Variants in LRP1B observed in about 807,000 individuals in gnomAD.
LRP1B encodes LDL receptor related protein 1B.
A neutral mutation model predicts 556.6 loss-of-function variants in LRP1B; 217 were observed. The ratio of observed to expected loss-of-function variants is 0.39; its 90% confidence interval spans 0.35 to 0.44. The LOEUF (loss-of-function observed/expected upper bound fraction) is 0.44. LRP1B is among the 20% of genes least tolerant of loss of function. The pLI is 1.00. For missense variants in LRP1B, 5,053 were observed against 5,620.8 expected, an observed-to-expected ratio of 0.90 and a Z score of 3.23; for synonymous variants, 2,047 against 1,865.8, an observed-to-expected ratio of 1.10 and a Z score of -2.50.
At chr2:141,143,944 CTTCTCT>C (rs1701719109) in intron 7 of LRP1B, among the ~76,000 whole-genome samples, 9 of 151,966 alleles carry the variant, frequency 5.9e-5, no homozygotes, top group Admixed American at 5.9e-4. Flanking sequence ...GGTCTTTTGC[CTTCTCT>C]TTCTAACAGA....
At chr2:140,894,676 C>T (rs900355036) in intron 23 of LRP1B, among the ~76,000 whole-genome samples, 1 of 151,974 alleles carries the variant, frequency 6.6e-6, no homozygotes, top group African/African-American at 2.4e-5. Context: ...AGGCCGGGCA[C>T]GGACGCTTAC....
chr2:141,234,290 G>C (rs186925116), intron 5 of LRP1B, among the ~76,000 whole-genome samples: 87 of 152,180 alleles, frequency 5.7e-4, no homozygotes, highest in African/African-American at 1.1e-3. Context: ...AATCAAAATT[G>C]TTAACACTTA....
intron 1 of LRP1B, among the ~76,000 whole-genome samples, chr2:141,976,890 T>C (rs922996871): frequency 6.6e-6 from 1 of 152,170 alleles, no homozygotes; most frequent in Non-Finnish European, 1.5e-5. Flanking sequence ...TGTTATACTT[T>C]TAAATTATTG....
chr2:140,699,669 T>C (rs1454271959), intron 41 of LRP1B, among the ~76,000 whole-genome samples: 1 of 151,274 alleles, frequency 6.6e-6, no homozygotes, highest in East Asian at 1.9e-4. Flanking sequence ...CCCTAAATTA[T>C]GTGGATAATC....
intron 1 of LRP1B, among the ~76,000 whole-genome samples, chr2:141,938,294 G>A (rs1700696872): frequency 6.6e-6 from 1 of 152,018 alleles, no homozygotes; most frequent in African/African-American, 2.4e-5. Flanking sequence ...ATTAGAAAAG[G>A]ATCTGAATCA....
intron 2 of LRP1B, among the ~76,000 whole-genome samples, chr2:141,608,297 T>G (rs1687988520): frequency 6.6e-6 from 1 of 152,204 alleles, no homozygotes; most frequent in South Asian, 2.1e-4. Context: ...TTGGCAAATT[T>G]TCCCTAGAGA....
intron 7 of LRP1B, among the ~76,000 whole-genome samples, chr2:141,071,554 A>T (rs1309443648): frequency 6.6e-6 from 1 of 152,060 alleles, no homozygotes; most frequent in Non-Finnish European, 1.5e-5. Flanking sequence ...GGGAAAGAGG[A>T]AGTCAAATTG....
At chr2:142,017,955 C>T (rs74649308) in intron 1 of LRP1B, among the ~76,000 whole-genome samples, 3 of 147,304 alleles carry the variant, frequency 2.0e-5, no homozygotes, top group East Asian at 2.0e-4. Context: ...CTGACACGCT[C>T]TTTTTTTTTT....
chr2:141,259,331 T>G (rs1014987029), intron 3 of LRP1B, among the ~76,000 whole-genome samples: 1 of 152,122 alleles, frequency 6.6e-6, no homozygotes, highest in African/African-American at 2.4e-5. Flanking sequence ...GCTATATGAG[T>G]GTGGCAGAGA....
At chr2:141,009,095 T>G (rs1048429516) in intron 14 of LRP1B, among the ~76,000 whole-genome samples, 1 of 151,962 alleles carries the variant, frequency 6.6e-6, no homozygotes, top group Admixed American at 6.6e-5. Flanking sequence ...CTTTTCTATA[T>G]GTGTCCTGGA....
In LRP1B at chr2:141,315,252, ATTTTTT is replaced by A. The variant is rs34839276; in HGVS notation, c.344-60617_344-60612del. Among the ~76,000 whole-genome samples the A allele has an allele frequency of 2.5e-3, 192 of 77,190 alleles. 1 individual carries two copies. The highest frequency in any genetic ancestry group is 3.3e-3 in the Non-Finnish European group (147 of 44,836). 50.6% of individuals were successfully genotyped at this position (77,190 alleles called of 152,430 possible). A position where few individuals can be genotyped will look rare whatever the true frequency, so the allele number is the denominator to read the frequency against. On this transcript the variant is annotated intron_variant, in intron 3 of 90. Coordinates refer to ENST00000389484, the MANE Select transcript of LRP1B (RefSeq NM_018557.3). Reference sequence around the variant, plus strand: ...TTGTGAGAATTAAAGAATGATTGTAATTTTTTTTTTTTTTTTTTTTTTTTTGAGACT... The same window carrying A: ...TTGTGAGAATTAAAGAATGATTGTAATTTTTTTTTTTTTTTTTTTGAGACT...
chr2:140,344,059 T>C (rs1358035428), intron 77 of LRP1B, among the ~76,000 whole-genome samples: 1 of 151,712 alleles, frequency 6.6e-6, no homozygotes. Context: ...CTGTGTATAT[T>C]TGAATATGTA....
intron 11 of LRP1B, among the ~76,000 whole-genome samples, chr2:141,022,567 T>C (rs1451811568): frequency 6.6e-6 from 1 of 151,912 alleles, no homozygotes; most frequent in Non-Finnish European, 1.5e-5. Flanking sequence ...AGAACATCAG[T>C]CTTATGTACG....
intron 1 of LRP1B, among the ~76,000 whole-genome samples, chr2:141,968,006 AACAAAT>A (rs1701610560): frequency 1.3e-5 from 2 of 151,888 alleles, no homozygotes; most frequent in African/African-American, 4.8e-5. Context: ...CCATCCAATT[AACAAAT>A]ACAGTTAATT....
chr2:140,948,321 T>C (rs1266343164), intron 20 of LRP1B, among the ~76,000 whole-genome samples: 2 of 152,164 alleles, frequency 1.3e-5, no homozygotes, highest in Admixed American at 6.6e-5. Flanking sequence ...TATATAATGA[T>C]GAAATGTCGA....
At chr2:140,438,097 G>A (rs185256220) in intron 66 of LRP1B, among the ~76,000 whole-genome samples, 105 of 152,264 alleles carry the variant, frequency 6.9e-4, no homozygotes, top group African/African-American at 2.4e-3. Flanking sequence ...GTTCACTGCA[G>A]CATCAATCTC....
At chr2:141,729,291 T>A (rs769286437) in intron 2 of LRP1B, among the ~76,000 whole-genome samples, 19 of 151,524 alleles carry the variant, frequency 1.3e-4, no homozygotes, top group Non-Finnish European at 2.2e-4. Flanking sequence ...ACAAAAATGC[T>A]TATGCTATGC....
chr2:141,839,603 C>CTAA, intron 1 of LRP1B, among the ~76,000 whole-genome samples: 1 of 152,124 alleles, frequency 6.6e-6, no homozygotes, highest in Non-Finnish European at 1.5e-5. Flanking sequence ...TAGGCTTAAG[C>CTAA]GGTGGTTCCT....
At chr2:140,392,162 T>G (rs1684050448) in intron 66 of LRP1B, among the ~76,000 whole-genome samples, 1 of 152,202 alleles carries the variant, frequency 6.6e-6, no homozygotes, top group African/African-American at 2.4e-5. Flanking sequence ...CAGGCAAACC[T>G]GTCTTTCTCT....
Sources: gnomAD v4.1 joint callset for allele counts (sites outside exome capture counted in the v4.1 genomes callset) on GRCh38, gnomAD v4.1.1 for gene constraint, MANE v1.5 for transcripts, NCBI Gene and HGNC (gene_info 2026-07-23, HGNC 2026-07-21) for gene names.